The following BRF1 variants were observed in gnomAD, a reference collection of about 807,000 sequenced individuals.
The protein encoded by BRF1 is transcription factor IIIB 90 kDa subunit.
In BRF1, 59 loss-of-function variants were observed where a neutral mutation model predicts 81.7. That is an observed-to-expected ratio of 0.72 (90% CI 0.59 to 0.90). The LOEUF is 0.90. BRF1 is among the 40% of genes least tolerant of loss of function. The probability of loss-of-function intolerance (pLI) is 0.00; values close to 1 mark genes in which losing one functional copy is unlikely to be tolerated. For missense variants in BRF1, 1,050 were observed against 936.3 expected, an observed-to-expected ratio of 1.12 and a Z score of -1.58; for synonymous variants, 491 against 395.6, an observed-to-expected ratio of 1.24 and a Z score of -2.86.
In BRF1 at chr14:105,209,872, C is replaced by A. The variant is rs1320525240; in HGVS notation, c.*679G>T. 1 of 465,214 alleles carries A rather than the reference C, an allele frequency of 2.1e-6. No individual in the cohort carries two copies. Among genetic ancestry groups the A allele is most frequent in the Non-Finnish European group, 3.8e-6 (1 of 265,212 alleles). 28.8% of individuals were successfully genotyped at this position (465,214 alleles called of 1,614,324 possible). ...ACTCAAGTGGCCCTGGAGCAGGGGT[C>A]TGACCCCCATGCTGCTCCAGGCGGT... is the stretch of plus-strand genomic sequence containing the variant. On this transcript the variant is annotated 3_prime_UTR_variant, in exon 18 of 18. Coordinates refer to ENST00000547530, the MANE Select transcript of BRF1 (RefSeq NM_001519.4).
At position 105,300,590 on chromosome 14, in the gene BRF1, T is replaced by C. The variant is rs1395036505; in HGVS notation, c.40A>G (p.Ile14Val). The C allele has an allele frequency of 1.4e-6, 2 of 1,463,784 alleles. No individual in the cohort carries two copies. Among genetic ancestry groups the C allele is most frequent in the Admixed American group, 2.5e-5 (1 of 40,714 alleles). The allele number at this position is 1,463,784 out of a possible 1,614,324, so 90.7% of individuals were successfully genotyped here. The change falls in exon 1 of 18, where the codon ATC (isoleucine) becomes GTC (valine). Residue 14 changes from isoleucine (I) to valine (V), a missense_variant. Coordinates refer to ENST00000547530, the MANE Select transcript of BRF1 (RefSeq NM_001519.4). ...TCCCCGCGCGCCGCGTCCAGCTCGATGTCCGTGCCGCCGCAACCGCGGCAC... is the reference window on the plus strand; with the variant it reads ...TCCCCGCGCGCCGCGTCCAGCTCGACGTCCGTGCCGCCGCAACCGCGGCAC... Reference protein sequence around the residue: ...RVCRGCGGTDIELDAARGDAV... With the variant: ...RVCRGCGGTDVELDAARGDAV...
chr14:105,279,353 T>C (rs1185838370), intron 2 of BRF1, among the ~76,000 whole-genome samples: 2 of 152,076 alleles, frequency 1.3e-5, no homozygotes, highest in African/African-American at 2.4e-5. Context: ...ACTCTACAAA[T>C]CTGTAAGAAA....
At chr14:105,301,531 CT>C (rs1217901956), upstream of BRF1, among the ~76,000 whole-genome samples, 1 of 152,152 alleles carries the variant, frequency 6.6e-6, no homozygotes, top group African/African-American at 2.4e-5. Flanking sequence ...GGCAGCTGCG[CT>C]GGGGGGCCTG....
At chr14:105,217,912 T>G (rs1891599688) in intron 14 of BRF1, 112 bp from the exon 15 acceptor site, 1 of 1,490,150 alleles carries the variant, frequency 6.7e-7, no homozygotes, top group East Asian at 2.3e-5. Flanking sequence ...GCTCAGGCCC[T>G]CAGAAGGGCC....
intron 3 of BRF1, among the ~76,000 whole-genome samples, chr14:105,260,925 T>C (rs2140343744): frequency 1.3e-5 from 2 of 152,356 alleles, no homozygotes. Context: ...ACTAATGCCT[T>C]TGGGGCCCAG....
chr14:105,256,873 C>T (rs2055903344), intron 3 of BRF1, among the ~76,000 whole-genome samples: 1 of 152,098 alleles, frequency 6.6e-6, no homozygotes, highest in Non-Finnish European at 1.5e-5. Context: ...AAGCGTGCAC[C>T]CCCACACACC....
At chr14:105,219,263 T>C in intron 12 of BRF1, 31 bp from the exon 13 acceptor site, 1 of 1,606,334 alleles carries the variant, frequency 6.2e-7, no homozygotes, top group South Asian at 1.1e-5. Flanking sequence ...GGGGCTGGCT[T>C]TTAGCCTTCG....
At chr14:105,228,551 A>C (rs915402138) in intron 7 of BRF1, among the ~76,000 whole-genome samples, 8 of 151,930 alleles carry the variant, frequency 5.3e-5, no homozygotes, top group African/African-American at 1.9e-4. Flanking sequence ...CTCAAAAAAA[A>C]AAAAAAAATA....
At chr14:105,312,067 C>A (rs1224943974) in intron 1 of BRF1, among the ~76,000 whole-genome samples, 5 of 152,222 alleles carry the variant, frequency 3.3e-5, no homozygotes, top group Non-Finnish European at 7.3e-5. Flanking sequence ...CCCTCCCCCA[C>A]TCCCCGACTT....
Position 105,272,905 on chromosome 14 carries a change from GCACGAGGCAGCTCTTAGCCAAATGTTCC to G in BRF1, c.266-39_266-12del. On this transcript the variant is annotated splice_polypyrimidine_tract_variant and intron_variant, in intron 2 of 17. Coordinates refer to ENST00000547530, the MANE Select transcript of BRF1 (RefSeq NM_001519.4). ...GGATGTGGCGCCTCCCTAGGACACA[GCACGAGGCAGCTCTTAGCCAAATGTTCC>G]CACAGAACATGAAAAGTATCACACG... is the stretch of plus-strand genomic sequence containing the variant. 6.3e-7 allele frequency: 1 copy of G among 1,585,656 alleles called. No individual in the cohort carries two copies. The highest frequency in any genetic ancestry group is 8.6e-7 in the Non-Finnish European group (1 of 1,160,360).
chr14:105,254,047 CCCA>C (rs1240055720), intron 4 of BRF1, among the ~76,000 whole-genome samples: 1 of 152,150 alleles, frequency 6.6e-6, no homozygotes, highest in African/African-American at 2.4e-5. Flanking sequence ...TCGTCCTGAT[CCCA>C]CCATCTCTCT....
In BRF1 at chr14:105,209,696, G is replaced by A. The variant is rs1371222927; in HGVS notation, c.*855C>T. The A allele has an allele frequency of 4.7e-6, 3 of 642,188 alleles. No individual in the cohort carries two copies. Among genetic ancestry groups the A allele is most frequent in the Middle Eastern group, 3.3e-4 (1 of 3,042 alleles). The allele number at this position is 642,188 out of a possible 1,614,324, so 39.8% of individuals were successfully genotyped here. On this transcript the variant is annotated 3_prime_UTR_variant, in exon 18 of 18. Transcript: ENST00000547530. The stretch of plus-strand genomic sequence containing the variant: ...CTGACAGGGAGCGCCACTGCCCTCT[G>A]GCTCTGTCCACGGGGAACTCCCAGC...
At chr14:105,311,401 G>C (rs1301267033) in intron 1 of BRF1, among the ~76,000 whole-genome samples, 1 of 151,990 alleles carries the variant, frequency 6.6e-6, no homozygotes, top group Non-Finnish European at 1.5e-5. Context: ...TCACAGATGC[G>C]CACCACCATG....
chr14:105,289,990 C>A (rs1389420193), intron 1 of BRF1, among the ~76,000 whole-genome samples: 1 of 152,234 alleles, frequency 6.6e-6, no homozygotes, highest in African/African-American at 2.4e-5. Context: ...CCCTGGCATG[C>A]TGGTCTCCAG....
At position 105,315,026 on chromosome 14, in the gene BRF1, C is replaced by A; in HGVS notation, c.-162+296G>T. 4 of 1,219,366 alleles carry A rather than the reference C, an allele frequency of 3.3e-6. No homozygotes were observed. The highest frequency in any genetic ancestry group is 1.9e-5 in the South Asian group (1 of 53,284). 75.5% of individuals were successfully genotyped at this position (1,219,366 alleles called of 1,614,324 possible). On this transcript the variant is annotated intron_variant, in intron 1 of 17. Coordinates refer to the BRF1 transcript ENST00000327359. The surrounding 1 kb of genome is among the most constrained non-coding windows in gnomAD (Gnocchi z 4.4). ...GGGAGGTGGACGGCTCCAGCCCCAG[C>A]TGCGTGCCCAGGTACGCGCCGCCCG...
chr14:105,311,479 T>C (rs1483353509), intron 1 of BRF1, among the ~76,000 whole-genome samples: 1 of 152,288 alleles, frequency 6.6e-6, no homozygotes, highest in East Asian at 1.9e-4. Flanking sequence ...GGTCTTGAAC[T>C]CCTGAGGTCA....
upstream of BRF1, among the ~76,000 whole-genome samples, chr14:105,303,396 A>C (rs587707762): frequency 6.6e-6 from 1 of 152,088 alleles, no homozygotes; most frequent in East Asian, 1.9e-4. Context: ...GGTGCCCACC[A>C]CCATGCCTGG....
intron 1 of BRF1, among the ~76,000 whole-genome samples, chr14:105,306,486 G>A (rs587688985): frequency 4.5e-4 from 69 of 151,688 alleles, no homozygotes; most frequent in African/African-American, 1.7e-3. Context: ...TGTATTTTTA[G>A]TAGAGATGGG....
intron 4 of BRF1, among the ~76,000 whole-genome samples, chr14:105,254,212 C>CA (rs1312981151): frequency 2.0e-5 from 3 of 152,212 alleles, no homozygotes; most frequent in Non-Finnish European, 4.4e-5. Context: ...CATGGAAACT[C>CA]ACGTTTAAAA....
Sources: allele counts gnomAD v4.1 joint callset (sites outside exome capture counted in the v4.1 genomes callset), GRCh38; gene constraint gnomAD v4.1.1; non-coding constraint Gnocchi (gnomAD v3.1); transcripts MANE v1.5; gene names NCBI Gene and HGNC (gene_info 2026-07-23, HGNC 2026-07-21).